ZFPM2: variants seen among roughly 807,000 people sequenced by gnomAD.
The protein encoded by ZFPM2 is zinc finger protein, FOG family member 2, also known as zinc finger protein ZFPM2.
Under a neutral mutation model 98.6 loss-of-function variants are expected in ZFPM2, and 20 were observed. That is an observed-to-expected ratio of 0.20 (90% CI 0.14 to 0.29). ZFPM2 has a LOEUF of 0.29. Among genes scored for constraint, ZFPM2 ranks in the 10% least tolerant of loss-of-function variants. ZFPM2 has a pLI of 1.00. For synonymous variants in ZFPM2, 518 were observed against 502.7 expected, an observed-to-expected ratio of 1.03 and a Z score of -0.41; for missense variants, 1,310 against 1,388.6, an observed-to-expected ratio of 0.94 and a Z score of 0.90.
intron 5 of ZFPM2, among the ~76,000 whole-genome samples, chr8:105,763,772 G>A (rs1211781668): frequency 6.6e-6 from 1 of 151,696 alleles, no homozygotes; most frequent in African/African-American, 2.4e-5. Flanking sequence ...CATTATATGG[G>A]GATGATTATC....
At chr8:105,377,774 T>C (rs932427913) in intron 1 of ZFPM2, among the ~76,000 whole-genome samples, 1 of 152,120 alleles carries the variant, frequency 6.6e-6, no homozygotes. Flanking sequence ...ATCAATACTC[T>C]GTCTCAAAAG....
intron 5 of ZFPM2, among the ~76,000 whole-genome samples, chr8:105,680,973 C>T (rs1230267193): frequency 6.6e-6 from 1 of 152,068 alleles, no homozygotes; most frequent in Non-Finnish European, 1.5e-5. Flanking sequence ...GCATCAGTAT[C>T]TGTATTTATT....
At chr8:105,387,630 C>G (rs971267526) in intron 1 of ZFPM2, 1 of 152,978 alleles carries the variant, frequency 6.5e-6, no homozygotes, top group Non-Finnish European at 1.5e-5. Context: ...GGCACTGACC[C>G]GCAAGCGCTG....
chr8:105,623,379 T>C (rs903415696), intron 4 of ZFPM2, among the ~76,000 whole-genome samples: 1 of 152,190 alleles, frequency 6.6e-6, no homozygotes, highest in African/African-American at 2.4e-5. Flanking sequence ...TAATAACAGG[T>C]ATATTTTAAG....
intron 6 of ZFPM2, among the ~76,000 whole-genome samples, chr8:105,793,257 A>G (rs1813681199): frequency 6.6e-6 from 1 of 152,016 alleles, no homozygotes; most frequent in Non-Finnish European, 1.5e-5. Context: ...TGCTTCCTTC[A>G]GGAGCTGTTT....
intron 3 of ZFPM2, among the ~76,000 whole-genome samples, chr8:105,553,574 T>G (rs1814913537): frequency 6.6e-6 from 1 of 152,176 alleles, no homozygotes; most frequent in South Asian, 2.1e-4. Flanking sequence ...TCCAGTGCAA[T>G]TACAAGCTAA....
chr8:105,606,106 A>G (rs566009901), intron 4 of ZFPM2, among the ~76,000 whole-genome samples: 1 of 152,100 alleles, frequency 6.6e-6, no homozygotes, highest in African/African-American at 2.4e-5. Context: ...ATTTTTATTT[A>G]TATTTCAAAT....
At chr8:105,531,567 G>A (rs1332707601) in intron 3 of ZFPM2, among the ~76,000 whole-genome samples, 1 of 152,112 alleles carries the variant, frequency 6.6e-6, no homozygotes, top group East Asian at 1.9e-4. Flanking sequence ...CAGTGACCCT[G>A]TTTCCAAATA....
chr8:105,637,836 G>GT (rs1816877546), intron 5 of ZFPM2, among the ~76,000 whole-genome samples: 1 of 152,114 alleles, frequency 6.6e-6, no homozygotes, highest in South Asian at 2.1e-4. Context: ...GTTAACAAGT[G>GT]TTAACTTGAA....
chr8:105,617,928 C>T lies in ZFPM2; in HGVS notation c.421-16318C>T, dbSNP rs144771953. ...CAATATTTTAAAATCACTAACTAGA[C>T]TATGTTCGGTCTTTTCCCCTTATTC... On this transcript the variant is annotated intron_variant, in intron 4 of 7. Transcript: ENST00000407775. Among the ~76,000 whole-genome samples the T allele has an allele frequency of 1.8e-3, 268 of 152,224 alleles. 1 individual carries two copies. The highest frequency in any genetic ancestry group is 3.3e-3 in the Admixed American group (50 of 15,278).
At chr8:105,378,050 A>T (rs1436434467) in intron 1 of ZFPM2, among the ~76,000 whole-genome samples, 1 of 152,210 alleles carries the variant, frequency 6.6e-6, no homozygotes, top group African/African-American at 2.4e-5. Context: ...TATTGCCTCA[A>T]TGCATATTAT....
rs1554602641 is a variant in ZFPM2 at position 105,413,507 on chromosome 8, T to TATACAC, written c.41-5636_41-5635insTACACA. ...TTATATATATATATATATATATATA[T>TATACAC]ACACACACACACGCACATATATATA... is the stretch of plus-strand genomic sequence containing the variant. On this transcript the variant is annotated intron_variant, in intron 1 of 7. Transcript: ENST00000407775. 6.8e-3 allele frequency among the ~76,000 whole-genome samples: 916 copies of TATACAC among 135,504 alleles called. 4 individuals are homozygous for TATACAC. The highest frequency in any genetic ancestry group is 0.035 in the Middle Eastern group (9 of 254). 88.9% of individuals were successfully genotyped at this position (135,504 alleles called of 152,430 possible).
At chr8:105,758,054 G>A (rs1214166013) in intron 5 of ZFPM2, among the ~76,000 whole-genome samples, 1 of 152,112 alleles carries the variant, frequency 6.6e-6, no homozygotes, top group Non-Finnish European at 1.5e-5. Context: ...GAGTAATAGC[G>A]AGCAGGACCC....
Position 105,791,012 on chromosome 8 carries a change from G to A in ZFPM2, c.739+2088G>A, listed in dbSNP as rs186871171. On this transcript the variant is annotated intron_variant, in intron 6 of 7. Coordinates refer to ENST00000407775, the MANE Select transcript of ZFPM2 (RefSeq NM_012082.4). ...GGGGCTGAGACAGTGGGGTTTTCTA[G>A]ATATACAATCATGTCGTCTGCAAAC... Among the ~76,000 whole-genome samples, 1,382 of 152,258 alleles carry A rather than the reference G, an allele frequency of 9.1e-3. 19 individuals carry two copies. The highest frequency in any genetic ancestry group is 0.024 in the African/African-American group (1,017 of 41,530).
intron 1 of ZFPM2, among the ~76,000 whole-genome samples, chr8:105,417,404 TAAAAAA>T (rs1239283611): frequency 6.6e-6 from 1 of 151,936 alleles, no homozygotes; most frequent in African/African-American, 2.4e-5. Flanking sequence ...ATTATACAAA[TAAAAAA>T]ATAGAAAGTG....
chr8:105,597,860 C>T (rs1350401518), intron 4 of ZFPM2, among the ~76,000 whole-genome samples: 1 of 151,952 alleles, frequency 6.6e-6, no homozygotes, highest in African/African-American at 2.4e-5. Context: ...ACTATAACTA[C>T]ATTATATAGG....
chr8:105,375,722 G>A (rs539575621), intron 1 of ZFPM2, among the ~76,000 whole-genome samples: 2 of 152,230 alleles, frequency 1.3e-5, no homozygotes, highest in African/African-American at 4.8e-5. Context: ...TGTCTTTAAT[G>A]TAGACAAAAG....
chr8:105,488,697 G>A (rs1423766438), intron 3 of ZFPM2, among the ~76,000 whole-genome samples: 1 of 152,184 alleles, frequency 6.6e-6, no homozygotes, highest in Non-Finnish European at 1.5e-5. Flanking sequence ...CCAAGAGGCG[G>A]AGGTTGTGGT....
At chr8:105,655,980 AC>A (rs1319859701) in intron 5 of ZFPM2, among the ~76,000 whole-genome samples, 22 of 151,754 alleles carry the variant, frequency 1.4e-4, no homozygotes, top group Non-Finnish European at 2.8e-4. Flanking sequence ...TTATTCCTTC[AC>A]TTACTCAACA....
Sources: gnomAD v4.1 joint callset for allele counts (sites outside exome capture counted in the v4.1 genomes callset) on GRCh38, gnomAD v4.1.1 for gene constraint, MANE v1.5 for transcripts, NCBI Gene and HGNC (gene_info 2026-07-23, HGNC 2026-07-21) for gene names.